SHISA9: variants seen among roughly 807,000 people sequenced by gnomAD.
SHISA9 encodes protein shisa-9.
A neutral mutation model predicts 38.0 loss-of-function variants in SHISA9; 13 were observed. The observed-to-expected ratio is 0.34, with a 90% confidence interval of 0.22 to 0.54. The LOEUF (loss-of-function observed/expected upper bound fraction) is 0.54, where lower values mean the gene tolerates loss of function less well. Ranked by LOEUF, SHISA9 falls within the 20% of genes least tolerant of loss-of-function variation. The pLI, the probability that SHISA9 is intolerant of heterozygous loss-of-function variation, is 0.91. For missense variants in SHISA9, 538 were observed against 575.8 expected, an observed-to-expected ratio of 0.93 and a Z score of 0.67; for synonymous variants, 275 against 242.0, an observed-to-expected ratio of 1.14 and a Z score of -1.27.
At chr16:13,227,228 C>T (rs1009826279) in intron 4 of SHISA9, among the ~76,000 whole-genome samples, 6 of 152,186 alleles carry the variant, frequency 3.9e-5, no homozygotes, top group African/African-American at 1.4e-4. Flanking sequence ...AATGATTGAA[C>T]AAACAGCTCG....
chr16:12,930,824 C>G (rs1032295518), intron 2 of SHISA9, among the ~76,000 whole-genome samples: 2 of 151,926 alleles, frequency 1.3e-5, no homozygotes, highest in African/African-American at 4.8e-5. Flanking sequence ...TCTTAAAACA[C>G]AGAGAGAGGA....
chr16:13,390,989 G>A, the SHISA9 span, among the ~76,000 whole-genome samples: 6 of 152,164 alleles, frequency 3.9e-5, no homozygotes, highest in Admixed American at 1.3e-4. Flanking sequence ...GTGAAAGCAA[G>A]AATATTGAGG....
intron 2 of SHISA9, among the ~76,000 whole-genome samples, chr16:13,118,196 A>C (rs2074049981): frequency 6.6e-6 from 1 of 151,814 alleles, no homozygotes; most frequent in Non-Finnish European, 1.5e-5. Context: ...AAAAAAAAAA[A>C]AAAAGCTCAC....
At chr16:13,126,139 C>CA in intron 2 of SHISA9, among the ~76,000 whole-genome samples, 1 of 152,274 alleles carries the variant, frequency 6.6e-6, no homozygotes, top group East Asian at 1.9e-4. Context: ...TGGAGGCTCA[C>CA]AAAGATTCGG....
the SHISA9 span, among the ~76,000 whole-genome samples, chr16:13,356,273 T>G: frequency 6.6e-6 from 1 of 152,218 alleles, no homozygotes; most frequent in Admixed American, 6.5e-5. Context: ...GGTAATAAAA[T>G]GTATTTTGAG....
At chr16:13,473,349 C>CTTTTTTTTTT in the SHISA9 span, among the ~76,000 whole-genome samples, 7 of 73,900 alleles carry the variant, frequency 9.5e-5, no homozygotes, top group African/African-American at 2.1e-4. Context: ...TTCTTTCTTT[C>CTTTTTTTTTT]TTTTTTTTTT....
intron 2 of SHISA9, among the ~76,000 whole-genome samples, chr16:13,191,632 T>C (rs1325252117): frequency 6.6e-6 from 1 of 152,152 alleles, no homozygotes; most frequent in African/African-American, 2.4e-5. Flanking sequence ...TGTTGGTAAG[T>C]GGAAGAGCAA....
chr16:13,096,743 G>T (rs2073832081), intron 2 of SHISA9, among the ~76,000 whole-genome samples: 1 of 152,144 alleles, frequency 6.6e-6, no homozygotes, highest in South Asian at 2.1e-4. Context: ...TACTCGCTCA[G>T]TTCCACCTTC....
At chr16:13,285,565 TCTC>T in the SHISA9 span, among the ~76,000 whole-genome samples, 15 of 151,464 alleles carry the variant, frequency 9.9e-5, no homozygotes, top group Admixed American at 5.3e-4. Context: ...TTGAATGTGA[TCTC>T]CTTGTCTTGC....
the SHISA9 span, among the ~76,000 whole-genome samples, chr16:13,333,260 G>A: frequency 1.3e-5 from 2 of 152,204 alleles, no homozygotes; most frequent in Non-Finnish European, 2.9e-5. Context: ...GGACCAGTTT[G>A]GTCCTGGAGC....
intron 2 of SHISA9, among the ~76,000 whole-genome samples, chr16:13,048,466 G>C (rs946651665): frequency 6.6e-6 from 1 of 152,100 alleles, no homozygotes; most frequent in African/African-American, 2.4e-5. Flanking sequence ...TTGTCACCCA[G>C]GCTGGGGTGC....
chr16:13,376,969 G>T, the SHISA9 span, among the ~76,000 whole-genome samples: 1 of 152,158 alleles, frequency 6.6e-6, no homozygotes, highest in African/African-American at 2.4e-5. Context: ...AATCCATCAT[G>T]CCTGACCATG....
the SHISA9 span, among the ~76,000 whole-genome samples, chr16:13,432,065 C>G: frequency 8.5e-5 from 13 of 152,186 alleles, no homozygotes; most frequent in Non-Finnish European, 1.9e-4. Flanking sequence ...CATTTCGAAA[C>G]AAACAAAAAA....
At chr16:13,550,213 A>G in the SHISA9 span, among the ~76,000 whole-genome samples, 2 of 152,054 alleles carry the variant, frequency 1.3e-5, no homozygotes, top group African/African-American at 4.8e-5. Flanking sequence ...GGGATGAGGC[A>G]TTCACATCCC....
At chr16:13,514,894 A>C in the SHISA9 span, among the ~76,000 whole-genome samples, 1 of 152,318 alleles carries the variant, frequency 6.6e-6, no homozygotes, top group South Asian at 2.1e-4. Flanking sequence ...GGAGGAAAAA[A>C]AATACACATT....
chr16:13,262,569 G>A, the SHISA9 span, among the ~76,000 whole-genome samples: 221 of 150,948 alleles, frequency 1.5e-3, 2 homozygotes, highest in African/African-American at 5.1e-3. Context: ...ACCCATAGAA[G>A]GATCAATAGA....
chr16:13,295,234 T>C, the SHISA9 span, among the ~76,000 whole-genome samples: 5 of 152,196 alleles, frequency 3.3e-5, no homozygotes, highest in African/African-American at 4.8e-5. Context: ...ACACAAATTA[T>C]TTTGTAGACA....
intron 2 of SHISA9, among the ~76,000 whole-genome samples, chr16:12,921,694 A>C (rs1464900522): frequency 2.0e-5 from 3 of 152,272 alleles, no homozygotes; most frequent in South Asian, 2.1e-4. Context: ...TGAACCCAGG[A>C]GGTCCAGGCT....
intron 3 of SHISA9, among the ~76,000 whole-genome samples, chr16:13,206,321 C>T (rs1596731574): frequency 1.3e-5 from 2 of 152,156 alleles, no homozygotes; most frequent in East Asian, 1.9e-4. Flanking sequence ...ATCAACTGTT[C>T]ATCCTATTTT....
Sources: gnomAD v4.1 joint callset for allele counts (sites outside exome capture counted in the v4.1 genomes callset) on GRCh38, gnomAD v4.1.1 for gene constraint, MANE v1.5 for transcripts, NCBI Gene and HGNC (gene_info 2026-07-23, HGNC 2026-07-21) for gene names.